Variants in CSTL1 observed in about 807,000 individuals in gnomAD.
The protein encoded by CSTL1 is cystatin like 1.
A neutral mutation model predicts 14.4 loss-of-function variants in CSTL1; 14 were observed. That is an observed-to-expected ratio of 0.97 (90% confidence interval 0.64 to 1.52). The LOEUF (loss-of-function observed/expected upper bound fraction) is 1.52. CSTL1 is among the 40% of genes most tolerant of loss of function. CSTL1 has a pLI of 0.00. For synonymous variants in CSTL1, 72 were observed against 67.5 expected, an observed-to-expected ratio of 1.07 and a Z score of -0.33; for missense variants, 170 against 168.7, an observed-to-expected ratio of 1.01 and a Z score of -0.04.
chr20:23,454,574 G>A, the CSTL1 span, among the ~76,000 whole-genome samples: 6 of 152,176 alleles, frequency 3.9e-5, no homozygotes, highest in African/African-American at 1.4e-4. Context: ...GGAGGGTTTG[G>A]CATCACCACA....
chr20:23,452,047 T>C, the CSTL1 span: 1 of 613,896 alleles, frequency 1.6e-6, no homozygotes, highest in South Asian at 2.0e-5. Flanking sequence ...ATTAGCGGGC[T>C]CCTCTCTCCT....
chr20:23,455,239 G>C, the CSTL1 span, among the ~76,000 whole-genome samples: 1 of 152,162 alleles, frequency 6.6e-6, no homozygotes, highest in African/African-American at 2.4e-5. Flanking sequence ...ATATAAATAA[G>C]AGTTTATTTT....
chr20:23,454,517 C>T, the CSTL1 span, among the ~76,000 whole-genome samples: 1 of 152,212 alleles, frequency 6.6e-6, no homozygotes, highest in Non-Finnish European at 1.5e-5. Context: ...CCTCAGGGTT[C>T]ACTCCTTGGA....
the CSTL1 span, chr20:23,451,942 G>A: frequency 6.4e-7 from 1 of 1,568,256 alleles, no homozygotes; most frequent in Non-Finnish European, 8.8e-7. Flanking sequence ...AGGCGTGGGG[G>A]AGGCACAGCT....
the CSTL1 span, among the ~76,000 whole-genome samples, chr20:23,456,049 G>T: frequency 6.6e-6 from 1 of 152,066 alleles, no homozygotes; most frequent in Admixed American, 6.6e-5. Context: ...GCAGATACAA[G>T]AATCCCCTTT....
chr20:23,450,810 T>C, the CSTL1 span, among the ~76,000 whole-genome samples: 1 of 152,214 alleles, frequency 6.6e-6, no homozygotes. Context: ...TATTTAGAAA[T>C]AAAGTGTCTG....
chr20:23,444,960 T>C, downstream of CSTL1: 3 of 893,990 alleles, frequency 3.4e-6, no homozygotes, highest in Non-Finnish European at 5.6e-6. Context: ...TTATTACACA[T>C]GCACACACAC....
At position 23,440,408 on chromosome 20, in the gene CSTL1, C is replaced by G. The variant is rs1356934338; in HGVS notation, c.141C>G (p.Phe47Leu). The change falls in exon 2 of 4, where the codon TTC becomes TTG. Residue 47 changes from phenylalanine to leucine, a missense_variant. Coordinates refer to ENST00000347397, the MANE Select transcript of CSTL1 (RefSeq NM_138283.1). ...SKKNMNSTLNFFIQSYNNASN... is the reference protein window; with the variant it reads ...SKKNMNSTLNLFIQSYNNASN... ...AGAACATGAATTCAACACTCAACTT[C>G]TTCATTCAATCCTACAACAATGCCA... 1 of 1,614,214 alleles carries G rather than the reference C, an allele frequency of 6.2e-7. No homozygotes were observed. Among genetic ancestry groups the G allele is most frequent in the Admixed American group, 1.7e-5 (1 of 60,030 alleles).
the CSTL1 span, among the ~76,000 whole-genome samples, chr20:23,455,443 C>T: frequency 6.6e-6 from 1 of 152,186 alleles, no homozygotes; most frequent in Non-Finnish European, 1.5e-5. Flanking sequence ...ATGGAATAGA[C>T]ATATTTACTA....
At chr20:23,449,461 C>G (rs1388793075), downstream of CSTL1, among the ~76,000 whole-genome samples, 1 of 152,078 alleles carries the variant, frequency 6.6e-6, no homozygotes, top group African/African-American at 2.4e-5. Context: ...TAGACCTCAC[C>G]TGTTGTATTA....
downstream of CSTL1, among the ~76,000 whole-genome samples, chr20:23,446,047 AG>A (rs1986959429): frequency 6.6e-6 from 1 of 152,162 alleles, no homozygotes; most frequent in Non-Finnish European, 1.5e-5. Context: ...CTGGTCATGA[AG>A]GTAGTCTCTG....
In CSTL1 at chr20:23,440,178, G is replaced by A. The variant is rs1004531543; in HGVS notation, c.-90G>A. The A allele has an allele frequency of 6.7e-6, 9 of 1,350,238 alleles. No homozygotes were observed. Among genetic ancestry groups the A allele is most frequent in the African/African-American group, 2.9e-5 (2 of 69,772 alleles). The allele number at this position is 1,350,238 out of a possible 1,614,324, so 83.6% of individuals were successfully genotyped here. Reference sequence around the variant, plus strand: ...CCCCCAGGAAAGCCTATGTTGGTGAGGGTTATGATGGGAGAATGAGTGAAC... The same window carrying A: ...CCCCCAGGAAAGCCTATGTTGGTGAAGGTTATGATGGGAGAATGAGTGAAC... On this transcript the variant is annotated 5_prime_UTR_variant, in exon 2 of 4. Coordinates refer to ENST00000347397, the MANE Select transcript of CSTL1 (RefSeq NM_138283.1).
chr20:23,441,288 G>T (rs1329569495), intron 2 of CSTL1, among the ~76,000 whole-genome samples: 3 of 152,178 alleles, frequency 2.0e-5, no homozygotes, highest in Admixed American at 2.0e-4. Context: ...TCTGGAAGTG[G>T]AGAGGATGTG....
intron 1 of CSTL1, 103 bp downstream of exon 1, chr20:23,439,909 C>A (rs1986784426): frequency 7.4e-6 from 2 of 269,434 alleles, no homozygotes; most frequent in South Asian, 1.1e-4. Flanking sequence ...GTAAGTGATG[C>A]TTCTCTATCT....
chr20:23,457,324 C>A, the CSTL1 span, among the ~76,000 whole-genome samples: 11 of 152,156 alleles, frequency 7.2e-5, no homozygotes, highest in South Asian at 1.0e-3. Context: ...GTTCCCGACT[C>A]CTGGACATTT....
the CSTL1 span, among the ~76,000 whole-genome samples, chr20:23,452,132 T>C: frequency 3.3e-5 from 5 of 152,244 alleles, no homozygotes; most frequent in African/African-American, 1.2e-4. Context: ...ACTTTCCCCC[T>C]GGGCAAATCT....
intron 2 of CSTL1, among the ~76,000 whole-genome samples, chr20:23,441,923 T>G (rs1233139840): frequency 6.6e-6 from 1 of 152,034 alleles, no homozygotes; most frequent in East Asian, 1.9e-4. Context: ...GAGGGCAGCG[T>G]GGGGAGGACC....
At chr20:23,444,670 G>T in intron 3 of CSTL1, 101 bp from the exon 4 acceptor site, 1 of 726,902 alleles carries the variant, frequency 1.4e-6, no homozygotes, top group Non-Finnish European at 2.5e-6. Flanking sequence ...CTGCCCATGG[G>T]GTTCATGAGC....
At chr20:23,452,215 A>T in the CSTL1 span, among the ~76,000 whole-genome samples, 1 of 152,238 alleles carries the variant, frequency 6.6e-6, no homozygotes, top group Admixed American at 6.5e-5. Context: ...AAAGGGCTAC[A>T]TAGTAAACAT....
Sources: gnomAD v4.1 joint callset for allele counts (sites outside exome capture counted in the v4.1 genomes callset) on GRCh38, gnomAD v4.1.1 for gene constraint, MANE v1.5 for transcripts, NCBI Gene and HGNC (gene_info 2026-07-23, HGNC 2026-07-21) for gene names.